PTPRT: variants seen among roughly 807,000 people sequenced by gnomAD.
PTPRT encodes the protein protein tyrosine phosphatase receptor type T, also known as receptor-type tyrosine-protein phosphatase T.
Under a neutral mutation model 176.8 loss-of-function variants are expected in PTPRT, and 56 were observed. The observed-to-expected ratio is 0.32, with a 90% CI of 0.26 to 0.40. PTPRT has a LOEUF of 0.40. Ranked by LOEUF, PTPRT falls within the 10% of genes least tolerant of loss-of-function variation. The probability of loss-of-function intolerance (pLI) is 1.00; values close to 1 mark genes in which losing one functional copy is unlikely to be tolerated. For synonymous variants in PTPRT, 783 were observed against 739.0 expected (o/e 1.06, Z -0.96); for missense variants, 1,540 against 1,908.2 (o/e 0.81, Z 3.60).
At position 43,056,656 on chromosome 20, in the gene PTPRT, G is replaced by T. The variant is rs1006778596; in HGVS notation, c.88+132990C>A. 2.0e-5 allele frequency among the ~76,000 whole-genome samples: 3 copies of T among 152,062 alleles called. No individual in the cohort carries two copies. In the South Asian group the frequency reaches 6.2e-4, roughly 32 times the overall value. ...CTGCTATTAACCTAACAAATACCAGGAACAACTTTATAGTGGAAAAGATCT... is the reference window on the plus strand; with the variant it reads ...CTGCTATTAACCTAACAAATACCAGTAACAACTTTATAGTGGAAAAGATCT... On this transcript the variant is annotated intron_variant, in intron 1 of 30. Transcript: ENST00000373187.
chr20:42,853,779 C>A (rs1264655778), intron 2 of PTPRT, among the ~76,000 whole-genome samples: 1 of 152,170 alleles, frequency 6.6e-6, no homozygotes, highest in Non-Finnish European at 1.5e-5. Context: ...TCAGAATTAA[C>A]CATCACAACC....
intron 1 of PTPRT, among the ~76,000 whole-genome samples, chr20:42,986,385 C>T (rs6124514): frequency 0.033 from 4,953 of 152,214 alleles, 175 homozygotes; most frequent in East Asian, 0.14. Flanking sequence ...CATTTTAGGA[C>T]GACCAGCGTT....
At position 42,268,547 on chromosome 20, in the gene PTPRT, C is replaced by T. The variant is rs150279282; in HGVS notation, c.2176+13942G>A. Among the ~76,000 whole-genome samples the T allele has an allele frequency of 3.8e-3, 586 of 152,276 alleles. 1 individual carries two copies. The highest frequency in any genetic ancestry group is 6.8e-3 in the Non-Finnish European group (461 of 68,022). ...AACTCCCACCTCCCTTTGGGAAGGGCCTCTGATAAGGTAGGGCTGGGGACT... is the reference window on the plus strand; with the variant it reads ...AACTCCCACCTCCCTTTGGGAAGGGTCTCTGATAAGGTAGGGCTGGGGACT... On this transcript the variant is annotated intron_variant, in intron 13 of 30. Coordinates refer to ENST00000373187, the MANE Select transcript of PTPRT (RefSeq NM_007050.6).
chr20:42,532,304 C>G (rs1241733985), intron 7 of PTPRT, among the ~76,000 whole-genome samples: 1 of 152,162 alleles, frequency 6.6e-6, no homozygotes, highest in Non-Finnish European at 1.5e-5. Context: ...TGCACAAGTG[C>G]TTAGCACAAA....
chr20:42,589,254 T>G (rs111601745), intron 7 of PTPRT, among the ~76,000 whole-genome samples: 1 of 152,188 alleles, frequency 6.6e-6, no homozygotes, highest in African/African-American at 2.4e-5. Context: ...TCATTTAATC[T>G]TGTGCATTTC....
At chr20:42,728,150 T>C (rs1256435519) in intron 6 of PTPRT, among the ~76,000 whole-genome samples, 1 of 152,170 alleles carries the variant, frequency 6.6e-6, no homozygotes, top group African/African-American at 2.4e-5. Context: ...CATGCATCAG[T>C]ATTTGGGCAG....
At chr20:42,456,063 AT>A (rs1244113328) in intron 8 of PTPRT, among the ~76,000 whole-genome samples, 1 of 152,016 alleles carries the variant, frequency 6.6e-6, no homozygotes, top group Non-Finnish European at 1.5e-5. Context: ...TATATCTTTT[AT>A]TTAGGCCTTC....
intron 8 of PTPRT, among the ~76,000 whole-genome samples, chr20:42,471,093 A>C (rs1446145794): frequency 6.6e-6 from 1 of 152,212 alleles, no homozygotes. Flanking sequence ...ACTGTCATCC[A>C]GCCAGATGAA....
At chr20:43,069,933 G>C (rs544835168) in intron 1 of PTPRT, among the ~76,000 whole-genome samples, 3 of 152,056 alleles carry the variant, frequency 2.0e-5, no homozygotes, top group Admixed American at 6.6e-5. Flanking sequence ...CCAAGCCCAC[G>C]GGCTCCTATA....
chr20:42,199,247 G>A lies in PTPRT; in HGVS notation c.2484C>T (p.Asn828=), dbSNP rs773555623. 55 of 1,613,862 alleles carry A rather than the reference G, an allele frequency of 3.4e-5. No individual in the cohort carries two copies. The highest frequency in any genetic ancestry group is 1.5e-4 in the Admixed American group (9 of 59,974). The part of the protein sequence containing the change: ...EGFSSSSQDV[N]GFTDGSRGEL... ...TTTGTTGGCTCTACTTACTGAATCC[G>A]TTGACGTCCTGAGAACTAGAAGAGA... The change falls in exon 16 of 31, where the codon AAC becomes AAT. Residue 828 remains asparagine (N), a synonymous_variant. Transcript: ENST00000373187.
At chr20:43,027,784 C>A (rs759521251) in intron 1 of PTPRT, among the ~76,000 whole-genome samples, 5 of 152,150 alleles carry the variant, frequency 3.3e-5, no homozygotes, top group Non-Finnish European at 7.3e-5. Context: ...ACACTACCTA[C>A]ATGTGTAACT....
chr20:43,069,128 A>C (rs1041987709), intron 1 of PTPRT, among the ~76,000 whole-genome samples: 1 of 152,208 alleles, frequency 6.6e-6, no homozygotes, highest in Non-Finnish European at 1.5e-5. Flanking sequence ...AGGACAGCAC[A>C]GACAGCATCC....
intron 14 of PTPRT, among the ~76,000 whole-genome samples, chr20:42,247,745 T>C (rs1430204337): frequency 6.6e-6 from 1 of 152,106 alleles, no homozygotes; most frequent in East Asian, 1.9e-4. Context: ...GAGACTAAGG[T>C]TGGGGCCCTG....
At position 42,531,858 on chromosome 20, in the gene PTPRT, T is replaced by C. The variant is rs536276382; in HGVS notation, c.1154-59296A>G. Among the ~76,000 whole-genome samples, 3 of 152,310 alleles carry C rather than the reference T, an allele frequency of 2.0e-5. No homozygotes were observed. The East Asian group carries it at 5.8e-4, about 29-fold the overall frequency. On this transcript the variant is annotated intron_variant, in intron 7 of 30. Transcript: ENST00000373187. ...AGGGAGGCCAGCCCTCTCATTTTAC[T>C]GCAAGGGAAACATATACAGAAAAGG...
intron 7 of PTPRT, among the ~76,000 whole-genome samples, chr20:42,511,586 T>C (rs1298696395): frequency 6.6e-6 from 1 of 152,110 alleles, no homozygotes; most frequent in African/African-American, 2.4e-5. Flanking sequence ...TTGAATCTGA[T>C]GCTATTACTT....
chr20:42,053,501 G>A, the PTPRT span, among the ~76,000 whole-genome samples: 5,785 of 152,260 alleles, frequency 0.038, 178 homozygotes, highest in Middle Eastern at 0.058. Context: ...AGACAACGAG[G>A]GCATTTCTCA....
At chr20:42,620,913 C>T (rs931217083) in intron 7 of PTPRT, among the ~76,000 whole-genome samples, 3 of 152,226 alleles carry the variant, frequency 2.0e-5, no homozygotes, top group South Asian at 2.1e-4. Flanking sequence ...GCATCGCTCA[C>T]GCTGGGAGCT....
intron 7 of PTPRT, among the ~76,000 whole-genome samples, chr20:42,517,957 G>T (rs1168441794): frequency 6.6e-6 from 1 of 151,906 alleles, no homozygotes; most frequent in Non-Finnish European, 1.5e-5. Flanking sequence ...CTTTGAAATT[G>T]TTCAAATCGT....
chr20:42,160,020 G>T (rs1001305492), intron 17 of PTPRT, among the ~76,000 whole-genome samples: 9 of 152,076 alleles, frequency 5.9e-5, no homozygotes, highest in Non-Finnish European at 1.3e-4. Context: ...TAGTCTGAGG[G>T]ATAAACTTAG....
Sources: gnomAD v4.1 joint callset for allele counts (sites outside exome capture counted in the v4.1 genomes callset) on GRCh38, gnomAD v4.1.1 for gene constraint, MANE v1.5 for transcripts, NCBI Gene and HGNC (gene_info 2026-07-23, HGNC 2026-07-21) for gene names.